Variants in GRIPAP1 observed in about 807,000 individuals in gnomAD.
GRIPAP1 encodes GRIP1 associated protein 1, also known as GRIP1-associated protein 1.
A neutral mutation model predicts 84.1 loss-of-function variants in GRIPAP1; 14 were observed. That is an observed-to-expected ratio of 0.17 (90% CI 0.11 to 0.26). The LOEUF (loss-of-function observed/expected upper bound fraction) is 0.26, where lower values mean the gene tolerates loss of function less well. Ranked by LOEUF, GRIPAP1 falls within the 10% of genes least tolerant of loss-of-function variation. GRIPAP1 has a pLI of 1.00. For synonymous variants in GRIPAP1, 261 were observed against 256.8 expected (o/e 1.02, Z -0.15); for missense variants, 518 against 674.2 (o/e 0.77, Z 2.57).
intron 1 of GRIPAP1, among the ~76,000 whole-genome samples, chrX:48,999,899 A>G (rs981201729): frequency 3.4e-4 from 38 of 111,042 alleles, no homozygotes; most frequent in African/African-American, 1.2e-3. Flanking sequence ...GGTGTTGTCC[A>G]TATTTCTGAC....
chrX:48,984,099 G>A (rs2064473042), intron 14 of GRIPAP1, among the ~76,000 whole-genome samples: 1 of 111,703 alleles, frequency 9.0e-6, no homozygotes, highest in South Asian at 3.7e-4. Context: ...TCTAGCAGAT[G>A]TTTCCCCTCC....
Position 48,990,750 on chromosome X carries a change from G to A in GRIPAP1, c.643-18C>T, listed in dbSNP as rs782506581. 2.5e-6 allele frequency: 3 copies of A among 1,191,612 alleles called. No individual in the cohort carries two copies. The highest frequency in any genetic ancestry group is 3.4e-6 in the Non-Finnish European group (3 of 879,861). On this transcript the variant is annotated intron_variant, in intron 7 of 25. Coordinates refer to ENST00000376423, the MANE Select transcript of GRIPAP1 (RefSeq NM_020137.5). ...TTTGAGCTCTGCAGGGAAGGATGAG[G>A]GATGGGAGGGTTGTTGTTAGCAAGG...
intron 1 of GRIPAP1, 45 bp downstream of exon 1, chrX:49,002,143 C>T (rs781911650): frequency 7.5e-6 from 7 of 934,479 alleles, no homozygotes; most frequent in Non-Finnish European, 1.1e-5. Flanking sequence ...CGCTACCCCG[C>T]CCCCGGTCGC....
intron 4 of GRIPAP1, 108 bp from the exon 5 acceptor site, chrX:48,997,465 G>C: frequency 1.9e-6 from 1 of 513,799 alleles, no homozygotes; most frequent in Non-Finnish European, 3.4e-6. Flanking sequence ...AGAGGACATA[G>C]GGTACAGAGA....
At chrX:48,996,711 T>G (rs1256327560) in intron 5 of GRIPAP1, among the ~76,000 whole-genome samples, 1 of 111,591 alleles carries the variant, frequency 9.0e-6, no homozygotes, top group Non-Finnish European at 1.9e-5. Context: ...TTATCAACTG[T>G]GGATACAGAA....
At chrX:48,975,631 T>G in intron 24 of GRIPAP1, 1 of 318,822 alleles carries the variant, frequency 3.1e-6, no homozygotes, top group Middle Eastern at 8.6e-4. Flanking sequence ...GGAGAAAGTT[T>G]GAAAGAAAGC....
At chrX:48,986,243 CAA>C (rs782307501) in intron 13 of GRIPAP1, among the ~76,000 whole-genome samples, 2 of 81,958 alleles carry the variant, frequency 2.4e-5, no homozygotes, top group Non-Finnish European at 2.3e-5. Context: ...ACTCCGTCTA[CAA>C]AAAAAAAAAA....
rs781905751 is a variant in GRIPAP1, at chrX:48,978,394, G to A, written c.1972C>T (p.Arg658Trp). The A allele has an allele frequency of 7.5e-6, 9 of 1,205,768 alleles. No homozygotes were observed. Among genetic ancestry groups the A allele is most frequent in the East Asian group, 3.0e-5 (1 of 33,674 alleles). The change falls in exon 22 of 26, where the codon CGG (arginine) becomes TGG (tryptophan). Residue 658 changes from arginine (R) to tryptophan (W), a missense_variant. Arg to Trp is a moderately radical substitution (Grantham distance 101). Around this residue, in one of 5 missense-constraint regions of GRIPAP1, gnomAD observed 66 missense variants for 65.2 expected, o/e 1.01. Coordinates refer to ENST00000376423, the MANE Select transcript of GRIPAP1 (RefSeq NM_020137.5). ...CTACTGCTGTCCCCTGTCTGGGTCC[G>A]GCTTGGTGAGTTCATCTCTGAGAGA... ...LVLSEMNSPS[R>W]TQTGDSSSIS...
chrX:48,997,660 G>A (rs1304125141), intron 4 of GRIPAP1, among the ~76,000 whole-genome samples: 1 of 108,545 alleles, frequency 9.2e-6, no homozygotes, highest in African/African-American at 3.4e-5. Flanking sequence ...ATAGAAAAGG[G>A]GAGAGGGATT....
chrX:48,986,926 G>T (rs1161562157), intron 13 of GRIPAP1, among the ~76,000 whole-genome samples: 1 of 108,662 alleles, frequency 9.2e-6, no homozygotes, highest in African/African-American at 3.4e-5. Flanking sequence ...TCGGCTCACC[G>T]CACACTCCAC....
rs782725156 is a variant in GRIPAP1, at chrX:48,983,095, G to A, written c.1486-3C>T. 36 of 1,177,380 alleles carry A rather than the reference G, an allele frequency of 3.1e-5. No homozygotes were observed. The Admixed American group carries it at 6.5e-4, about 21-fold the overall frequency. ...GTCTCCAGCTCCCGTGTCCGGGCCT[G>A]GGATGGGGCAGACTGTCATGGGCCA... On this transcript the variant is annotated splice_region_variant and splice_polypyrimidine_tract_variant and intron_variant, in intron 16 of 25. Transcript: ENST00000376423.
chrX:48,991,200 C>T (rs2064518493), intron 6 of GRIPAP1, 90 bp from the exon 7 acceptor site: 1 of 636,569 alleles, frequency 1.6e-6, no homozygotes, highest in African/African-American at 2.2e-5. Context: ...GGCCTTCAAC[C>T]CCTCAGGTGG....
In GRIPAP1 at chrX:48,990,678, G is replaced by T; in HGVS notation, c.690+7C>A. ...GAGCAGAATGGGAAAGAGCCAAGCA[G>T]CCGCACCTTAGCAAGTTCCTCCTGC... On this transcript the variant is annotated splice_region_variant and intron_variant, in intron 8 of 25. Transcript: ENST00000376423. The T allele has an allele frequency of 8.4e-7, 1 of 1,194,857 alleles. No individual in the cohort carries two copies. Among genetic ancestry groups the T allele is most frequent in the Non-Finnish European group, 1.1e-6 (1 of 883,715 alleles).
At position 48,987,819 on chromosome X, in the gene GRIPAP1, T is replaced by C. The variant is rs1557064335; in HGVS notation, c.1007A>G (p.Asn336Ser). ...EQVEGLLAEN[N>S]ALRTSLAALE... Reference sequence around the variant, plus strand: ...GGCAGCCAGGCTAGTCCTCAAGGCATTGTTCTCAGCCAAAAGCCCTTCCAC... The same window carrying C: ...GGCAGCCAGGCTAGTCCTCAAGGCACTGTTCTCAGCCAAAAGCCCTTCCAC... Residue 336 changes from asparagine to serine, a missense_variant, in exon 13 of 26, where the codon AAT (asparagine) becomes AGT (serine). Physicochemically the swap from Asn to Ser is conservative, Grantham distance 46. Around this residue, in one of 5 missense-constraint regions of GRIPAP1, gnomAD observed 372 missense variants for 458.1 expected, o/e 0.81. Transcript: ENST00000376423. 8.3e-7 allele frequency: 1 copy of C among 1,205,112 alleles called. No individual in the cohort carries two copies. Among genetic ancestry groups the C allele is most frequent in the Admixed American group, 2.2e-5 (1 of 45,728 alleles).
chrX:48,994,060 G>A (rs187638032), intron 5 of GRIPAP1, among the ~76,000 whole-genome samples: 1 of 110,554 alleles, frequency 9.0e-6, no homozygotes, highest in African/African-American at 3.3e-5. Context: ...GTCTTGGAGA[G>A]GTATACAATG....
Position 49,000,364 on chromosome X carries a change from CAAAAAAAAAAAA to C in GRIPAP1, c.43-872_43-861del, listed in dbSNP as rs1156902802. ...TGGGTGACAGAGTGAGACTCTGTCT[CAAAAAAAAAAAA>C]AAAAAAAAAAAAAAAAAAGAATTAA... On this transcript the variant is annotated intron_variant, in intron 1 of 25. Transcript: ENST00000376423. Among the ~76,000 whole-genome samples the C allele has an allele frequency of 2.7e-3, 59 of 22,236 alleles. 1 individual carries two copies. Among genetic ancestry groups the C allele is most frequent in the African/African-American group, 0.014 (49 of 3,400 alleles). 19.3% of individuals were successfully genotyped at this position (22,236 alleles called of 115,157 possible).
intron 5 of GRIPAP1, among the ~76,000 whole-genome samples, 197 bp from the exon 6 acceptor site, chrX:48,993,775 A>C (rs782372171): frequency 1.6e-4 from 18 of 112,192 alleles, no homozygotes; most frequent in Non-Finnish European, 2.6e-4. Flanking sequence ...CACATCTTTT[A>C]AGTGGCAGAG....
chrX:49,000,985 A>AC (rs1557068430), intron 1 of GRIPAP1: 1 of 99,307 alleles, frequency 1.0e-5, no homozygotes, highest in Non-Finnish European at 2.0e-5. Flanking sequence ...TATCCTTTGT[A>AC]CCCCCCGAGA....
At chrX:48,986,230 G>A (rs1227817801) in intron 13 of GRIPAP1, among the ~76,000 whole-genome samples, 4 of 46,152 alleles carry the variant, frequency 8.7e-5, no homozygotes, top group Non-Finnish European at 1.5e-4. Context: ...CAACAAGACC[G>A]AAACTCCGTC....
Sources: gnomAD v4.1 joint callset for allele counts (sites outside exome capture counted in the v4.1 genomes callset) on GRCh38, gnomAD v4.1.1 for gene constraint, gnomAD v4.1.1 regional missense constraint, MANE v1.5 for transcripts, NCBI Gene and HGNC (gene_info 2026-07-23, HGNC 2026-07-21) for gene names.